The following FGF13 variants were observed in gnomAD, a reference collection of about 807,000 sequenced individuals.
FGF13 encodes fibroblast growth factor homologous factor 2.
Under a neutral mutation model 19.5 loss-of-function variants are expected in FGF13, and 2 were observed. The ratio of observed to expected loss-of-function variants is 0.10; its 90% CI spans 0.04 to 0.32. The LOEUF (loss-of-function observed/expected upper bound fraction) is 0.32. Ranked by LOEUF, FGF13 falls within the 10% of genes least tolerant of loss-of-function variation. The probability of loss-of-function intolerance (pLI) is 1.00; values close to 1 mark genes in which losing one functional copy is unlikely to be tolerated. For synonymous variants in FGF13, 72 were observed against 76.9 expected, an observed-to-expected ratio of 0.94 and a Z score of 0.33; for missense variants, 113 against 192.7, an observed-to-expected ratio of 0.59 and a Z score of 2.45.
chrX:139,110,244 A>G (rs780489983), intron 1 of FGF13, among the ~76,000 whole-genome samples: 32 of 110,677 alleles, frequency 2.9e-4, no homozygotes, highest in African/African-American at 7.5e-4. Flanking sequence ...TATAAAATGT[A>G]TATATATAAA....
intron 1 of FGF13, among the ~76,000 whole-genome samples, chrX:138,878,722 G>C (rs187368163): frequency 0.037 from 4,062 of 110,648 alleles, 204 homozygotes; most frequent in African/African-American, 0.13. Context: ...CTGAGGAATC[G>C]CCACGCTGAC....
downstream of FGF13, among the ~76,000 whole-genome samples, chrX:138,853,630 T>C (rs1214322533): frequency 9.1e-6 from 1 of 109,414 alleles, no homozygotes; most frequent in Non-Finnish European, 1.9e-5. Flanking sequence ...CGTGTGTGTG[T>C]GTGTGTGTGT....
At chrX:139,173,633 A>C (rs911702930) in intron 1 of FGF13, among the ~76,000 whole-genome samples, 1 of 110,473 alleles carries the variant, frequency 9.1e-6, no homozygotes, top group African/African-American at 3.3e-5. Context: ...ACTCCCACTT[A>C]TGAGTGAGAA....
downstream of FGF13, among the ~76,000 whole-genome samples, chrX:138,857,312 G>A (rs1455602795): frequency 1.8e-5 from 2 of 111,416 alleles, no homozygotes; most frequent in Admixed American, 9.6e-5. Flanking sequence ...GACGCTGTGC[G>A]CTGTGCCAGA....
intron 1 of FGF13, among the ~76,000 whole-genome samples, chrX:139,026,676 C>T (rs1210141063): frequency 1.8e-5 from 2 of 111,627 alleles, no homozygotes; most frequent in Middle Eastern, 8.5e-3. Flanking sequence ...CTACCATTCT[C>T]GCCAGCAGAA....
intron 3 of FGF13, among the ~76,000 whole-genome samples, chrX:138,823,994 C>T (rs747436762): frequency 2.7e-5 from 3 of 111,673 alleles, no homozygotes; most frequent in Non-Finnish European, 5.6e-5. Context: ...TTTATCTGAG[C>T]ATATTTATAT....
At chrX:139,169,682 A>C (rs1388750792) in intron 1 of FGF13, among the ~76,000 whole-genome samples, 1 of 110,740 alleles carries the variant, frequency 9.0e-6, no homozygotes, top group African/African-American at 3.3e-5. Context: ...TTGGACTACA[A>C]ACGATTGTTC....
chrX:138,808,248 A>G (rs1257024700), intron 3 of FGF13, among the ~76,000 whole-genome samples: 4 of 112,220 alleles, frequency 3.6e-5, no homozygotes, highest in Non-Finnish European at 7.5e-5. Flanking sequence ...TGTCTCTCAG[A>G]CCACAGTGCA....
chrX:139,087,059 G>A (rs2083408647), intron 1 of FGF13, among the ~76,000 whole-genome samples: 1 of 112,647 alleles, frequency 8.9e-6, no homozygotes, highest in African/African-American at 3.2e-5. Flanking sequence ...CACTTTGGGA[G>A]GCCAAGGCGG....
chrX:138,951,594 C>T (rs769859364), intron 1 of FGF13, among the ~76,000 whole-genome samples: 8 of 111,594 alleles, frequency 7.2e-5, no homozygotes, highest in African/African-American at 2.3e-4. Context: ...TGAACAGATG[C>T]TTCACAAAGC....
intron 1 of FGF13, among the ~76,000 whole-genome samples, chrX:138,980,833 T>C (rs2091960894): frequency 9.0e-6 from 1 of 110,700 alleles, no homozygotes; most frequent in African/African-American, 3.3e-5. Flanking sequence ...ATGTATTCAG[T>C]TTACAGACAA....
At chrX:139,128,725 G>A (rs1430169334) in intron 1 of FGF13, among the ~76,000 whole-genome samples, 1 of 111,949 alleles carries the variant, frequency 8.9e-6, no homozygotes, top group Non-Finnish European at 1.9e-5. Flanking sequence ...TAATGAAAAC[G>A]TTGCATTCGT....
intron 3 of FGF13, among the ~76,000 whole-genome samples, chrX:138,640,625 T>C (rs765921174): frequency 1.8e-5 from 2 of 111,888 alleles, no homozygotes; most frequent in South Asian, 7.5e-4. Flanking sequence ...GGTGTGTAGC[T>C]ATATCTTCAG....
rs1377510367 is a variant in FGF13, at chrX:138,798,541, C to A, written c.217+58971G>T. Reference sequence around the variant, plus strand: ...ATTTTTTTTTCTTTTTCTGTTGTGTCTCTGCCAGGTTTTGGTATCAGGAGG... The same window carrying A: ...ATTTTTTTTTCTTTTTCTGTTGTGTATCTGCCAGGTTTTGGTATCAGGAGG... On this transcript the variant is annotated intron_variant, in intron 3 of 6. Coordinates refer to the FGF13 transcript ENST00000436198. 5.4e-5 allele frequency among the ~76,000 whole-genome samples: 6 copies of A among 111,336 alleles called. No individual in the cohort carries two copies. In the East Asian group the frequency reaches 1.7e-3, roughly 31 times the overall value.
At chrX:138,829,606 G>A (rs767022775) in intron 3 of FGF13, among the ~76,000 whole-genome samples, 2 of 111,941 alleles carry the variant, frequency 1.8e-5, no homozygotes, top group South Asian at 7.6e-4. Context: ...ACACAAAATG[G>A]ACTAAGGCAG....
chrX:138,956,658 C>G (rs975685412), intron 1 of FGF13, among the ~76,000 whole-genome samples: 1 of 111,367 alleles, frequency 9.0e-6, no homozygotes, highest in African/African-American at 3.3e-5. Context: ...CTGTGTTCCT[C>G]AGAACCTCCT....
chrX:138,738,643 A>T (rs2090297684), intron 1 of FGF13, among the ~76,000 whole-genome samples: 3 of 111,540 alleles, frequency 2.7e-5, no homozygotes, highest in African/African-American at 9.8e-5. Context: ...GGAGGAACAG[A>T]TACTCTCCTA....
At chrX:138,874,242 C>T (rs1446059235) in intron 1 of FGF13, among the ~76,000 whole-genome samples, 1 of 107,562 alleles carries the variant, frequency 9.3e-6, no homozygotes, top group East Asian at 2.9e-4. Context: ...CTGCGTCTTC[C>T]TTAATGGACA....
upstream of FGF13, among the ~76,000 whole-genome samples, chrX:138,741,156 C>G (rs1416201141): frequency 1.8e-5 from 2 of 112,506 alleles, no homozygotes; most frequent in Admixed American, 1.9e-4. Context: ...AATATGGAGG[C>G]AGTCTCTCTT....
Sources: gnomAD v4.1 joint callset for allele counts (sites outside exome capture counted in the v4.1 genomes callset) on GRCh38, gnomAD v4.1.1 for gene constraint, MANE v1.5 for transcripts, NCBI Gene and HGNC (gene_info 2026-07-23, HGNC 2026-07-21) for gene names.